Variants in KCNK16 observed in about 807,000 individuals in gnomAD.
KCNK16 encodes potassium two pore domain channel subfamily K member 16, also known as potassium channel subfamily K member 16.
Under a neutral mutation model 23.0 loss-of-function variants are expected in KCNK16, and 23 were observed. The ratio of observed to expected loss-of-function variants is 1.00; its 90% CI spans 0.72 to 1.41. The LOEUF (loss-of-function observed/expected upper bound fraction) is 1.41, where lower values mean the gene tolerates loss of function less well. KCNK16 is among the 40% of genes most tolerant of loss of function. KCNK16 has a pLI of 0.00. For missense variants in KCNK16, 327 were observed against 365.8 expected, an observed-to-expected ratio of 0.89 and a Z score of 0.87; for synonymous variants, 145 against 153.5, an observed-to-expected ratio of 0.94 and a Z score of 0.41.
chr6:39,322,187 A>G (rs1762537144), intron 1 of KCNK16, 141 bp downstream of exon 1: 4 of 1,379,950 alleles, frequency 2.9e-6, no homozygotes, highest in Non-Finnish European at 2.9e-6. Context: ...ATTAGATCTC[A>G]CCAGGCTCTC....
At chr6:39,317,403 T>C (rs1035309990) in intron 3 of KCNK16, among the ~76,000 whole-genome samples, 2 of 152,198 alleles carry the variant, frequency 1.3e-5, no homozygotes, top group African/African-American at 4.8e-5. Context: ...ATCCCTCACT[T>C]AAAGGAGGAC....
rs9471067 is a variant in KCNK16, at chr6:39,316,581, A to G, written c.662-139T>C. Reference sequence around the variant, plus strand: ...AACAGCAGTTGAGGTAGGTCTCTGCAGGGTGGTGATGGGTCCTAGACCAGA... The same window carrying G: ...AACAGCAGTTGAGGTAGGTCTCTGCGGGGTGGTGATGGGTCCTAGACCAGA... On this transcript the variant is annotated intron_variant, in intron 4 of 4. Transcript: ENST00000437525. 6,596 of 1,249,484 alleles carry G rather than the reference A, an allele frequency of 5.3e-3. 152 individuals are homozygous for G. The African/African-American group carries it at 0.061, about 11-fold the overall frequency. The allele number at this position is 1,249,484 out of a possible 1,614,324, so 77.4% of individuals were successfully genotyped here.
At chr6:39,321,091 G>T (rs1762500109) in intron 1 of KCNK16, among the ~76,000 whole-genome samples, 1 of 152,106 alleles carries the variant, frequency 6.6e-6, no homozygotes, top group East Asian at 1.9e-4. Flanking sequence ...AGTCTTCAGG[G>T]TCCTCAACAT....
chr6:39,317,916 T>C lies in KCNK16; in HGVS notation c.365A>G (p.Gln122Arg), dbSNP rs1321060227. 1 of 1,612,144 alleles carries C rather than the reference T, an allele frequency of 6.2e-7. No homozygotes were observed. The highest frequency in any genetic ancestry group is 2.2e-5 in the East Asian group (1 of 44,726). The change falls in exon 3 of 5, where the codon CAG becomes CGG. Residue 122 changes from glutamine to arginine, a missense_variant. Physicochemically the swap from Gln to Arg is conservative, Grantham distance 43. Coordinates refer to ENST00000437525, the MANE Select transcript of KCNK16 (RefSeq NM_001135106.2). ...GNLAPSTEAG[Q>R]VFCVFYALLG... ...CAGGGCATAGAAGACACAGAAGACC[T>C]GACCTGCCTCTGTGCTGGGTGCCAG...
intron 2 of KCNK16, 111 bp from the exon 3 acceptor site, chr6:39,318,063 G>A: frequency 9.3e-7 from 1 of 1,071,726 alleles, no homozygotes; most frequent in African/African-American, 1.6e-5. Context: ...GGGTGAGAAG[G>A]GGAAGCTCCC....
chr6:39,321,461 C>G (rs959167806), intron 1 of KCNK16, among the ~76,000 whole-genome samples: 9 of 152,218 alleles, frequency 5.9e-5, no homozygotes, highest in Non-Finnish European at 1.2e-4. Flanking sequence ...CGCTCAGTGT[C>G]AGGTGATGAG....
In KCNK16 at chr6:39,322,453, T is replaced by G. The variant is rs1762549107; in HGVS notation, c.88A>C (p.Thr30Pro). Residue 30 changes from threonine (T) to proline (P), a missense_variant, in exon 1 of 5, where the codon ACT (threonine) becomes CCT (proline). Transcript: ENST00000437525. ...AYVCYLLLGA[T>P]IFQLLERQAE... ...TGCCTCTCTAGCAGCTGGAAGATAG[T>G]GGCACCGAGCAGCAGGTAGCAGACA... 3 of 1,614,092 alleles carry G rather than the reference T, an allele frequency of 1.9e-6. No homozygotes were observed. The highest frequency in any genetic ancestry group is 2.2e-5 in the East Asian group (1 of 44,880).
downstream of KCNK16, chr6:39,315,149 C>T: frequency 6.2e-7 from 1 of 1,614,222 alleles, no homozygotes; most frequent in Non-Finnish European, 8.5e-7. Context: ...GGAACCCAGC[C>T]ACATAGGAGC....
Position 39,317,201 on chromosome 6 carries a change from A to G in KCNK16, c.496-254T>C, listed in dbSNP as rs552652358. Among the ~76,000 whole-genome samples, 4 of 152,328 alleles carry G rather than the reference A, an allele frequency of 2.6e-5. No homozygotes were observed. In the East Asian group the frequency reaches 5.8e-4, roughly 22 times the overall value. ...AGACCCCTTTGGACTTGGGGATCAC[A>G]CTTGAACAGGCTCCCTGGGGACTCA... On this transcript the variant is annotated intron_variant, in intron 3 of 4. Coordinates refer to ENST00000437525, the MANE Select transcript of KCNK16 (RefSeq NM_001135106.2).
downstream of KCNK16, chr6:39,315,053 G>A: frequency 1.2e-6 from 2 of 1,613,970 alleles, no homozygotes; most frequent in East Asian, 2.2e-5. Context: ...GTGTGACTTG[G>A]ACTCCTCTTG....
chr6:39,322,376 C>T lies in KCNK16; in HGVS notation c.165G>A (p.Leu55=), dbSNP rs138076469. 1,812 of 1,614,080 alleles carry T rather than the reference C, an allele frequency of 1.1e-3. No homozygotes were observed. The highest frequency in any genetic ancestry group is 1.4e-3 in the Non-Finnish European group (1,692 of 1,179,982). Residue 55 remains leucine, a synonymous_variant, in exon 1 of 5, where the codon CTG becomes CTA. Coordinates refer to ENST00000437525, the MANE Select transcript of KCNK16 (RefSeq NM_001135106.2). ...ACTGGTCCAGGCAGGTGTAGTTCTC[C>T]AGGAAGCGCAGCTTCTCCAACTGAA... ...DQFQLEKLRF[L]ENYTCLDQWA...
Position 39,319,017 on chromosome 6 carries a change from A to C in KCNK16, c.328+2T>G. 1 of 1,605,656 alleles carries C rather than the reference A, an allele frequency of 6.2e-7. No homozygotes were observed. On this transcript the variant is annotated splice_donor_variant, in intron 2 of 4. Coordinates refer to ENST00000437525, the MANE Select transcript of KCNK16 (RefSeq NM_001135106.2). LOFTEE classifies it high-confidence loss of function. The surrounding 1 kb of genome is among the most constrained non-coding windows in gnomAD (Gnocchi z 4.2). ...AAGCTCTTCTCTACCCCAGCCCTTTACCTATGGTAGTGACGACTGTGCCTG... is the reference window on the plus strand; with the variant it reads ...AAGCTCTTCTCTACCCCAGCCCTTTCCCTATGGTAGTGACGACTGTGCCTG...
At position 39,317,707 on chromosome 6, in the gene KCNK16, A is replaced by G. The variant is rs59148401; in HGVS notation, c.495+79T>C. On this transcript the variant is annotated intron_variant, in intron 3 of 4. Transcript: ENST00000437525. ...CCTAACACCATGCATGCCAAACTCC[A>G]TCTCAGCATCGGCTTCTGGGGAACT... The G allele has an allele frequency of 2.3e-4, 324 of 1,429,612 alleles. 1 individual carries two copies. The African/African-American group carries it at 4.2e-3, about 18-fold the overall frequency. 88.6% of individuals were successfully genotyped at this position (1,429,612 alleles called of 1,614,324 possible).
At chr6:39,314,719 TTTA>T, downstream of KCNK16, 1 of 453,708 alleles carries the variant, frequency 2.2e-6, no homozygotes, top group Non-Finnish European at 3.9e-6. Flanking sequence ...AGAGACCAAC[TTTA>T]TTGTCTTGGG....
downstream of KCNK16, chr6:39,314,959 G>A: frequency 6.6e-7 from 1 of 1,515,970 alleles, no homozygotes; most frequent in Non-Finnish European, 8.9e-7. Flanking sequence ...CCTCTACCTG[G>A]AGTGGAGGAA....
rs75212002 is a variant in KCNK16 at position 39,316,203 on chromosome 6, G to A, written c.*16C>T. ...TGGGGAGGATGAAAGGGGTTTCTGGGCCCCCCCCGGGGGCCTCATGCAGAG... is the reference window on the plus strand; with the variant it reads ...TGGGGAGGATGAAAGGGGTTTCTGGACCCCCCCCGGGGGCCTCATGCAGAG... On this transcript the variant is annotated 3_prime_UTR_variant, in exon 5 of 5. Coordinates refer to ENST00000437525, the MANE Select transcript of KCNK16 (RefSeq NM_001135106.2). 27 of 1,497,064 alleles carry A rather than the reference G, an allele frequency of 1.8e-5. No homozygotes were observed. The highest frequency in any genetic ancestry group is 4.8e-5 in the Admixed American group (2 of 41,578). The allele number at this position is 1,497,064 out of a possible 1,614,324, so 92.7% of individuals were successfully genotyped here. A position where few individuals can be genotyped will look rare whatever the true frequency, so the allele number is the denominator to read the frequency against.
chr6:39,320,833 T>C lies in KCNK16; in HGVS notation c.213+1495A>G, dbSNP rs778785931. The stretch of plus-strand genomic sequence containing the variant: ...CCTCCAGCTTGGCTCTCACCTCCAA[T>C]GCAGAGCTGAGGGAGGAGATTTCAG... On this transcript the variant is annotated intron_variant, in intron 1 of 4. Coordinates refer to ENST00000437525, the MANE Select transcript of KCNK16 (RefSeq NM_001135106.2). Among the ~76,000 whole-genome samples, 5 of 128,682 alleles carry C rather than the reference T, an allele frequency of 3.9e-5. 1 individual carries two copies. The highest frequency in any genetic ancestry group is 7.7e-3 in the Middle Eastern group (2 of 260). The allele number at this position is 128,682 out of a possible 152,430, so 84.4% of individuals were successfully genotyped here.
chr6:39,319,241 A>G lies in KCNK16; in HGVS notation c.214-108T>C. 2.8e-6 allele frequency: 2 copies of G among 704,290 alleles called. No individual in the cohort carries two copies. The highest frequency in any genetic ancestry group is 5.2e-6 in the Non-Finnish European group (2 of 386,798). The allele number at this position is 704,290 out of a possible 1,614,324, so 43.6% of individuals were successfully genotyped here. On this transcript the variant is annotated intron_variant, in intron 1 of 4. Transcript: ENST00000437525. This position sits in a 1 kb window ranked among gnomAD's most constrained non-coding sequence, Gnocchi z 4.2. ...CTTTTGTGTCATCTCATCTAATGAT[A>G]CTCTTAGATGATATTGTTCCCATTT... is the stretch of plus-strand genomic sequence containing the variant.
chr6:39,319,935 A>G lies in KCNK16; in HGVS notation c.214-802T>C, dbSNP rs11751171. On this transcript the variant is annotated intron_variant, in intron 1 of 4. Transcript: ENST00000437525. This position sits in a 1 kb window ranked among gnomAD's most constrained non-coding sequence, Gnocchi z 4.2. ...ACCTCCCTTCGCTGCCCCACTGCTG[A>G]CAACCTCCAGTCCCTGGGCCCAGCC... Among the ~76,000 whole-genome samples, 3,253 of 152,226 alleles carry G rather than the reference A, an allele frequency of 0.021. 62 individuals carry two copies. The highest frequency in any genetic ancestry group is 0.028 in the Non-Finnish European group (1,878 of 68,002).
Sources: allele counts gnomAD v4.1 joint callset (sites outside exome capture counted in the v4.1 genomes callset), GRCh38; gene constraint gnomAD v4.1.1; non-coding constraint Gnocchi (gnomAD v3.1); transcripts MANE v1.5; gene names NCBI Gene and HGNC (gene_info 2026-07-23, HGNC 2026-07-21).